Variants in SORCS1 observed in about 807,000 individuals in gnomAD.
The protein encoded by SORCS1 is sortilin related VPS10 domain containing receptor 1, also known as VPS10 domain-containing receptor SorCS1.
SORCS1 carries 60 observed loss-of-function variants against 146.1 expected under a neutral mutation model. The observed-to-expected ratio is 0.41, with a 90% CI of 0.33 to 0.51. The LOEUF (loss-of-function observed/expected upper bound fraction) is 0.51, where lower values mean the gene tolerates loss of function less well. SORCS1 is among the 20% of genes least tolerant of loss of function. SORCS1 has a pLI of 0.21. For missense variants in SORCS1, 1,352 were observed against 1,487.6 expected (o/e 0.91, Z 1.50); for synonymous variants, 637 against 584.0 (o/e 1.09, Z -1.31).
At chr10:106,587,461 C>T (rs945853347) in intron 24 of SORCS1, among the ~76,000 whole-genome samples, 3 of 152,218 alleles carry the variant, frequency 2.0e-5, no homozygotes, top group Admixed American at 2.0e-4. Flanking sequence ...TCTTGACGAA[C>T]GGTAATTCTC....
chr10:106,695,639 A>G (rs1463014720), intron 9 of SORCS1, among the ~76,000 whole-genome samples: 1 of 152,208 alleles, frequency 6.6e-6, no homozygotes, highest in African/African-American at 2.4e-5. Flanking sequence ...GAGTTATGGA[A>G]GGTTCTTTAC....
At chr10:106,696,384 G>T (rs953145461) in intron 9 of SORCS1, among the ~76,000 whole-genome samples, 1 of 152,174 alleles carries the variant, frequency 6.6e-6, no homozygotes, top group Admixed American at 6.6e-5. Context: ...AGATTTAAGG[G>T]AACATTTGTG....
chr10:107,001,781 A>G (rs1957234317), intron 1 of SORCS1, among the ~76,000 whole-genome samples: 1 of 152,206 alleles, frequency 6.6e-6, no homozygotes, highest in Admixed American at 6.5e-5. Context: ...ACTGTTTATA[A>G]GCAGGTATTT....
chr10:106,985,476 A>G (rs113998445), intron 1 of SORCS1, among the ~76,000 whole-genome samples: 6,715 of 152,154 alleles, frequency 0.044, 525 homozygotes, highest in African/African-American at 0.15. Context: ...GAATGTCTAC[A>G]GAGTGTCAGC....
intron 1 of SORCS1, among the ~76,000 whole-genome samples, chr10:107,059,771 G>A (rs1385494370): frequency 6.6e-6 from 1 of 152,024 alleles, no homozygotes; most frequent in African/African-American, 2.4e-5. Context: ...GACCTCAGAA[G>A]TCCGTCTGGC....
intron 18 of SORCS1, among the ~76,000 whole-genome samples, chr10:106,636,681 G>C (rs540882682): frequency 1.3e-5 from 2 of 152,112 alleles, no homozygotes; most frequent in Non-Finnish European, 2.9e-5. Flanking sequence ...TCCTTCCCTC[G>C]ACACTGGGGA....
chr10:106,800,513 CTTTTTTTTTTTTTTTT>C (rs763659103), intron 3 of SORCS1, among the ~76,000 whole-genome samples: 1 of 89,072 alleles, frequency 1.1e-5, no homozygotes, highest in African/African-American at 4.2e-5. Flanking sequence ...CTAGGTGAAT[CTTTTTTTTTTTTTTTT>C]TTTTTTTTTT....
intron 3 of SORCS1, among the ~76,000 whole-genome samples, chr10:106,782,294 C>T (rs549894881): frequency 6.6e-6 from 1 of 152,292 alleles, no homozygotes; most frequent in East Asian, 1.9e-4. Flanking sequence ...AAGACAAGAT[C>T]TTGCTCTGTC....
Position 106,629,363 on chromosome 10 carries a change from T to C in SORCS1, c.2501A>G (p.Gln834Arg). 1 of 1,614,142 alleles carries C rather than the reference T, an allele frequency of 6.2e-7. No homozygotes were observed. Among genetic ancestry groups the C allele is most frequent in the Non-Finnish European group, 8.5e-7 (1 of 1,179,996 alleles). ...CGCGATACCATCGCCAAAGTCCACT[T>C]GGATGAGTGTCCGCTGAACATCACC... Reference protein sequence around the residue: ...EEGDVQRTLIQVDFGDGIAVS... With the variant: ...EEGDVQRTLIRVDFGDGIAVS... The change falls in exon 19 of 26, where the codon CAA becomes CGA. Residue 834 changes from glutamine to arginine, a missense_variant. Physicochemically the swap from Gln to Arg is conservative, Grantham distance 43 (BLOSUM62 1). Transcript: ENST00000263054.
chr10:106,677,231 G>A (rs928328020), intron 13 of SORCS1, 82 bp downstream of exon 13: 53 of 1,286,276 alleles, frequency 4.1e-5, no homozygotes, highest in Middle Eastern at 1.9e-4. Context: ...AAACAGACAC[G>A]GTTTGATAGC....
intron 1 of SORCS1, among the ~76,000 whole-genome samples, chr10:107,142,288 C>T (rs577327480): frequency 3.9e-5 from 6 of 152,276 alleles, no homozygotes; most frequent in African/African-American, 1.4e-4. Flanking sequence ...TTTTTACAAA[C>T]GCCAGCTTGT....
chr10:106,755,626 G>C (rs760464573), intron 5 of SORCS1, among the ~76,000 whole-genome samples: 9 of 151,310 alleles, frequency 5.9e-5, no homozygotes, highest in Non-Finnish European at 1.2e-4. Flanking sequence ...CCCTTTTTAG[G>C]AATTACATTT....
At chr10:106,862,968 T>G (rs966092288) in intron 2 of SORCS1, among the ~76,000 whole-genome samples, 1 of 152,286 alleles carries the variant, frequency 6.6e-6, no homozygotes, top group East Asian at 1.9e-4. Context: ...CAAAGGCACC[T>G]TCAACTCGTC....
At chr10:107,174,113 T>C in the SORCS1 span, among the ~76,000 whole-genome samples, 17,512 of 152,184 alleles carry the variant, frequency 0.12, 1,042 homozygotes, top group Non-Finnish European at 0.12. Flanking sequence ...CTCCCATCCA[T>C]TAATATATTA....
intron 23 of SORCS1, among the ~76,000 whole-genome samples, chr10:106,605,671 G>T (rs1346183845): frequency 2.0e-5 from 3 of 152,184 alleles, no homozygotes; most frequent in East Asian, 3.9e-4. Context: ...GGAAGCTGAG[G>T]TGGGGAGTGA....
At position 106,705,214 on chromosome 10, in the gene SORCS1, C is replaced by T. The variant is rs1054010219; in HGVS notation, c.1233+1331G>A. 3.3e-5 allele frequency among the ~76,000 whole-genome samples: 5 copies of T among 152,308 alleles called. No homozygotes were observed. In the South Asian group the frequency reaches 1.0e-3, roughly 32 times the overall value. On this transcript the variant is annotated intron_variant, in intron 8 of 25. Coordinates refer to ENST00000263054, the MANE Select transcript of SORCS1 (RefSeq NM_052918.5). ...ACCACAGTCATTAATCTCTCAGCAG[C>T]TGAAAATAACAACCACGAACATAGC...
At chr10:107,176,988 G>A in the SORCS1 span, among the ~76,000 whole-genome samples, 1 of 151,942 alleles carries the variant, frequency 6.6e-6, no homozygotes, top group African/African-American at 2.4e-5. Context: ...GTTTCTCCTT[G>A]ATTTGTTTTC....
At chr10:106,803,356 C>G (rs1234804988) in intron 3 of SORCS1, among the ~76,000 whole-genome samples, 1 of 152,170 alleles carries the variant, frequency 6.6e-6, no homozygotes, top group Admixed American at 6.5e-5. Flanking sequence ...ATATGGAAAA[C>G]ATACCAGGGC....
intron 20 of SORCS1, 194 bp downstream of exon 20, chr10:106,620,234 A>G (rs1398405625): frequency 1.8e-6 from 1 of 552,968 alleles, no homozygotes; most frequent in Non-Finnish European, 2.9e-6. Context: ...GAAATGCAGA[A>G]GGTGGAGAGG....
Sources: allele counts gnomAD v4.1 joint callset (sites outside exome capture counted in the v4.1 genomes callset), GRCh38; gene constraint gnomAD v4.1.1; transcripts MANE v1.5; gene names NCBI Gene and HGNC (gene_info 2026-07-23, HGNC 2026-07-21).